LIFR: variants seen among roughly 807,000 people sequenced by gnomAD.
LIFR encodes leukemia inhibitory factor receptor.
LIFR carries 84 observed loss-of-function variants against 122.2 expected under a neutral mutation model. That is an observed-to-expected ratio of 0.69 (90% CI 0.58 to 0.82). The LOEUF is 0.82. Ranked by LOEUF, LIFR falls within the 40% of genes least tolerant of loss-of-function variation. The pLI is 0.00. For missense variants in LIFR, 1,294 were observed against 1,311.6 expected (o/e 0.99, Z 0.21); for synonymous variants, 422 against 434.7 (o/e 0.97, Z 0.36).
intron 2 of LIFR, among the ~76,000 whole-genome samples, chr5:38,602,545 C>T (rs1750241095): frequency 6.6e-6 from 1 of 151,698 alleles, no homozygotes; most frequent in South Asian, 2.1e-4. Flanking sequence ...TTGTATATAC[C>T]TGTTTTCCAG....
chr5:38,506,709 T>C (rs2112475051), intron 7 of LIFR, 77 bp from the exon 8 acceptor site: 1 of 1,204,410 alleles, frequency 8.3e-7, no homozygotes, highest in South Asian at 1.3e-5. Context: ...AACGTCAATG[T>C]TTTCCACAAT....
At chr5:38,519,896 A>G (rs1454594509) in intron 5 of LIFR, among the ~76,000 whole-genome samples, 1 of 152,152 alleles carries the variant, frequency 6.6e-6, no homozygotes, top group Non-Finnish European at 1.5e-5. Context: ...TTGATTCCAC[A>G]TATTTTCTAT....
At chr5:38,567,488 A>T (rs2112707072) in intron 1 of LIFR, among the ~76,000 whole-genome samples, 1 of 116,054 alleles carries the variant, frequency 8.6e-6, no homozygotes, top group Non-Finnish European at 1.9e-5. Flanking sequence ...AAGGAATATG[A>T]CCATTCTGTA....
intron 1 of LIFR, among the ~76,000 whole-genome samples, chr5:38,581,916 C>T (rs765251533): frequency 1.1e-4 from 17 of 152,160 alleles, no homozygotes; most frequent in Non-Finnish European, 1.9e-4. Flanking sequence ...TTCTTCAAAC[C>T]TTCAAAGCTG....
At chr5:38,501,702 T>C (rs551140624) in intron 11 of LIFR, among the ~76,000 whole-genome samples, 2 of 151,760 alleles carry the variant, frequency 1.3e-5, no homozygotes, top group Admixed American at 1.3e-4. Context: ...GATCGCGCCA[T>C]TGCACTCCAG....
At chr5:38,487,860 G>A (rs974478156) in intron 16 of LIFR, among the ~76,000 whole-genome samples, 5 of 152,150 alleles carry the variant, frequency 3.3e-5, no homozygotes, top group African/African-American at 1.2e-4. Context: ...CCAAGGCCTG[G>A]TCTGGCAGGT....
chr5:38,524,706 C>A (rs1469733944), intron 4 of LIFR, among the ~76,000 whole-genome samples: 1 of 152,082 alleles, frequency 6.6e-6, no homozygotes, highest in African/African-American at 2.4e-5. Context: ...AACGTGGATG[C>A]AGACTTAAAA....
chr5:38,556,751 C>A (rs1748591168), upstream of LIFR: 1 of 145,808 alleles, frequency 6.9e-6, no homozygotes, highest in African/African-American at 2.5e-5. Flanking sequence ...CGCCCCAACC[C>A]GCGCGCCCCC....
Position 38,578,398 on chromosome 5 carries a change from G to T in LIFR, c.-20+16863C>A, listed in dbSNP as rs571150665. 6.0e-5 allele frequency among the ~76,000 whole-genome samples: 9 copies of T among 150,774 alleles called. No homozygotes were observed. In the South Asian group the frequency reaches 1.5e-3, roughly 25 times the overall value. ...ATTTTGTATTTTTAGTAGAGACGGG[G>T]TTTCTCCATGTTGGTCAGGCTGGTC... is the stretch of plus-strand genomic sequence containing the variant. On this transcript the variant is annotated intron_variant, in intron 1 of 19. Transcript: ENST00000263409.
intron 4 of LIFR, 105 bp from the exon 5 acceptor site, chr5:38,523,687 C>A (rs1044407345): frequency 3.3e-6 from 3 of 921,474 alleles, no homozygotes; most frequent in African/African-American, 3.3e-5. Flanking sequence ...CCTTCTTGAT[C>A]AAAAAATCAA....
At chr5:38,506,108 CAA>C in intron 8 of LIFR, 34 bp from the exon 9 acceptor site, 2 of 1,442,348 alleles carry the variant, frequency 1.4e-6, no homozygotes, top group Non-Finnish European at 1.9e-6. Context: ...TTCAAAATGG[CAA>C]GAGATAAATA....
chr5:38,565,649 G>A (rs935990059), intron 1 of LIFR, among the ~76,000 whole-genome samples: 7 of 150,364 alleles, frequency 4.7e-5, no homozygotes, highest in Non-Finnish European at 8.9e-5. Flanking sequence ...GTACAATGGC[G>A]CAGTCTCGGC....
Position 38,505,905 on chromosome 5 carries a change from CTTTT to C in LIFR, c.1287_1290del (p.Lys430PhefsTer11). ...AGACATTAGTTTATGTACAGCTTACCTTTTTCAGTTATATTAACTAAAATTGTTG... is the reference window on the plus strand; with the variant it reads ...AGACATTAGTTTATGTACAGCTTACCTCAGTTATATTAACTAAAATTGTTG... On this transcript the variant is annotated frameshift_variant and splice_region_variant, in exon 9 of 20. Transcript: ENST00000453190. LOFTEE classifies it high-confidence loss of function. 6.3e-7 allele frequency: 1 copy of C among 1,599,658 alleles called. No individual in the cohort carries two copies. Among genetic ancestry groups the C allele is most frequent in the Non-Finnish European group, 8.5e-7 (1 of 1,170,770 alleles).
At chr5:38,600,754 G>T (rs1230110231) in intron 2 of LIFR, among the ~76,000 whole-genome samples, 1 of 151,852 alleles carries the variant, frequency 6.6e-6, no homozygotes, top group Admixed American at 6.6e-5. Flanking sequence ...ATTTTTTCAG[G>T]TTCTACCTTG....
At chr5:38,517,071 G>C (rs764884342) in intron 5 of LIFR, among the ~76,000 whole-genome samples, 2 of 152,210 alleles carry the variant, frequency 1.3e-5, no homozygotes, top group Non-Finnish European at 2.9e-5. Flanking sequence ...TGGGGGGCTA[G>C]GGAAAGGATA....
chr5:38,606,297 A>C (rs1750327458), exon 2 of LIFR: 1 of 152,266 alleles, frequency 6.6e-6, no homozygotes, highest in South Asian at 2.1e-4. Context: ...AAGATGAAAC[A>C]GGGGCAGGCC....
At chr5:38,585,003 C>T (rs6865392) in intron 1 of LIFR, among the ~76,000 whole-genome samples, 3,952 of 152,160 alleles carry the variant, frequency 0.026, 192 homozygotes, top group East Asian at 0.2. Flanking sequence ...GTAAAATTTA[C>T]TTTTTAAAAA....
chr5:38,581,141 G>T (rs1749567759), intron 1 of LIFR, among the ~76,000 whole-genome samples: 1 of 152,056 alleles, frequency 6.6e-6, no homozygotes, highest in Non-Finnish European at 1.5e-5. Flanking sequence ...ATAAATAGTG[G>T]TGGTTAGGAT....
intron 1 of LIFR, among the ~76,000 whole-genome samples, chr5:38,552,348 T>C (rs896488948): frequency 6.6e-6 from 1 of 152,218 alleles, no homozygotes; most frequent in African/African-American, 2.4e-5. Context: ...AAGTTTTCAA[T>C]TAATATTTAG....
Sources: gnomAD v4.1 joint callset for allele counts (sites outside exome capture counted in the v4.1 genomes callset) on GRCh38, gnomAD v4.1.1 for gene constraint, MANE v1.5 for transcripts, NCBI Gene and HGNC (gene_info 2026-07-23, HGNC 2026-07-21) for gene names.